The following RNASEH2B variants were observed in gnomAD, a reference collection of about 807,000 sequenced individuals.
RNASEH2B encodes ribonuclease H2 subunit B, also known as Aicardi-Goutieres syndrome 2 protein.
Under a neutral mutation model 45.0 loss-of-function variants are expected in RNASEH2B, and 36 were observed. That is an observed-to-expected ratio of 0.80 (90% CI 0.61 to 1.06). The LOEUF (loss-of-function observed/expected upper bound fraction) is 1.06, where lower values mean the gene tolerates loss of function less well. Ranked by LOEUF, RNASEH2B falls within the 50% of genes least tolerant of loss-of-function variation. The pLI is 0.00. For synonymous variants in RNASEH2B, 119 were observed against 125.7 expected (o/e 0.95, Z 0.35); for missense variants, 361 against 360.3 (o/e 1.00, Z -0.02).
chr13:50,967,787 T>C (rs1014077005), intron 9 of RNASEH2B, among the ~76,000 whole-genome samples: 1 of 152,222 alleles, frequency 6.6e-6, no homozygotes, highest in Non-Finnish European at 1.5e-5. Context: ...TTACATATTT[T>C]CTCCCAAACA....
At chr13:50,930,826 T>C (rs1384195614) in intron 4 of RNASEH2B, 67 bp downstream of exon 4, 23 of 1,143,380 alleles carry the variant, frequency 2.0e-5, no homozygotes, top group Non-Finnish European at 2.9e-5. Flanking sequence ...TGATCTCCTC[T>C]CTCTCCTTTT....
intron 1 of RNASEH2B, chr13:50,915,476 G>A (rs536146675): frequency 5.5e-4 from 221 of 398,572 alleles, no homozygotes; most frequent in Non-Finnish European, 8.5e-4. Context: ...TACTGCCCAG[G>A]TTCGTGGTAC....
At chr13:50,921,420 A>C (rs1400354825) in intron 1 of RNASEH2B, 1 of 152,130 alleles carries the variant, frequency 6.6e-6, no homozygotes, top group Non-Finnish European at 1.5e-5. Context: ...TTTCTTCTCT[A>C]ATTAATTTAG....
intron 2 of RNASEH2B, 45 bp from the exon 3 acceptor site, chr13:50,929,430 G>A: frequency 8.8e-7 from 1 of 1,139,152 alleles, no homozygotes; most frequent in South Asian, 1.2e-5. Context: ...GTGTTTGTGT[G>A]TGTGTGTGAA....
At position 50,943,185 on chromosome 13, in the gene RNASEH2B, C is replaced by A. The variant is rs563712972; in HGVS notation, c.437-136C>A. On this transcript the variant is annotated intron_variant, in intron 5 of 10. Transcript: ENST00000336617. Reference sequence around the variant, plus strand: ...TTTAAAAAAACATTTCAAGTATGTTCTCAGGTTTGTAAATTAAGCTTTTCA... The same window carrying A: ...TTTAAAAAAACATTTCAAGTATGTTATCAGGTTTGTAAATTAAGCTTTTCA... 35 of 641,928 alleles carry A rather than the reference C, an allele frequency of 5.5e-5. 1 individual carries two copies. In the Admixed American group the frequency reaches 9.3e-4, roughly 17 times the overall value. 39.8% of individuals were successfully genotyped at this position (641,928 alleles called of 1,614,324 possible).
intron 9 of RNASEH2B, among the ~76,000 whole-genome samples, chr13:50,966,765 T>A (rs1593487852): frequency 6.6e-6 from 1 of 152,198 alleles, no homozygotes; most frequent in African/African-American, 2.4e-5. Flanking sequence ...TTCTCTTATT[T>A]GGGGCCTTAG....
rs140076332 is a variant in RNASEH2B at position 50,934,810 on chromosome 13, A to G, written c.322-75A>G. 4 of 995,840 alleles carry G rather than the reference A, an allele frequency of 4.0e-6. No homozygotes were observed. In the East Asian group the frequency reaches 7.8e-5, roughly 19 times the overall value. The allele number at this position is 995,840 out of a possible 1,614,324, so 61.7% of individuals were successfully genotyped here. On this transcript the variant is annotated intron_variant, in intron 4 of 10. Transcript: ENST00000336617. ...AGTTTAAAGGCCCAGCCATGAGTTAATGTGTCTTTTTCTCTTTTTTTCTGA... is the reference window on the plus strand; with the variant it reads ...AGTTTAAAGGCCCAGCCATGAGTTAGTGTGTCTTTTTCTCTTTTTTTCTGA...
At position 50,956,434 on chromosome 13, in the gene RNASEH2B, T is replaced by A. The variant is rs770055331; in HGVS notation, c.899T>A (p.Phe300Tyr). Residue 300 changes from phenylalanine (F) to tyrosine (Y), a missense_variant, in exon 11 of 11, where the codon TTT becomes TAT. Phe to Tyr is a conservative substitution (Grantham distance 22). Coordinates refer to ENST00000336617, the MANE Select transcript of RNASEH2B (RefSeq NM_024570.4). ...DKSGMKSIDT[F>Y]FGVKNKKKIG... ...AGTGGAATGAAAAGTATTGATACCT[T>A]TTTTGGGGTAAAAAATAAAAAAAAA... 6.2e-7 allele frequency: 1 copy of A among 1,601,054 alleles called. No homozygotes were observed. Among genetic ancestry groups the A allele is most frequent in the Non-Finnish European group, 8.5e-7 (1 of 1,171,596 alleles).
At chr13:50,968,240 A>T (rs1046396139) in intron 9 of RNASEH2B, among the ~76,000 whole-genome samples, 5 of 151,644 alleles carry the variant, frequency 3.3e-5, no homozygotes, top group East Asian at 1.9e-4. Flanking sequence ...TACAAAAAAA[A>T]AAATAAAAAA....
chr13:50,939,047 GA>G (rs1361019805), intron 5 of RNASEH2B: 1 of 152,190 alleles, frequency 6.6e-6, no homozygotes, highest in South Asian at 2.1e-4. Flanking sequence ...CATTTCTACA[GA>G]AAGTTTAAAA....
chr13:50,934,584 C>G, intron 4 of RNASEH2B: 1 of 405,344 alleles, frequency 2.5e-6, no homozygotes, highest in Non-Finnish European at 4.6e-6. Context: ...TCTCCACCAT[C>G]TTTGCAAGCT....
downstream of RNASEH2B, among the ~76,000 whole-genome samples, chr13:50,961,739 TACACACACATA>T (rs1173297275): frequency 3.3e-5 from 5 of 152,152 alleles, no homozygotes; most frequent in African/African-American, 1.2e-4. Context: ...GTACAACATG[TACACACACATA>T]TATACACTAT....
chr13:50,957,642 G>A (rs371847287), downstream of RNASEH2B, among the ~76,000 whole-genome samples: 6 of 152,224 alleles, frequency 3.9e-5, no homozygotes, highest in South Asian at 8.3e-4. Flanking sequence ...TGGGATTTCT[G>A]GATCGAATGG....
Position 50,935,000 on chromosome 13 carries a change from G to A in RNASEH2B, c.436+1G>A, listed in dbSNP as rs80087649. 2.5e-6 allele frequency: 4 copies of A among 1,597,610 alleles called. No homozygotes were observed. The highest frequency in any genetic ancestry group is 3.4e-6 in the Non-Finnish European group (4 of 1,165,136). ...CTTCATCATGTGACAGAGGAAAAAGGTATGGTATAACTTAAAGGCTTATGG... is the reference window on the plus strand; with the variant it reads ...CTTCATCATGTGACAGAGGAAAAAGATATGGTATAACTTAAAGGCTTATGG... On this transcript the variant is annotated splice_donor_variant, in intron 5 of 10. Transcript: ENST00000336617. LOFTEE classifies it high-confidence loss of function.
At chr13:50,921,153 AATT>A (rs1003870409) in intron 1 of RNASEH2B, 67 of 152,302 alleles carry the variant, frequency 4.4e-4, no homozygotes, top group African/African-American at 1.5e-3. Context: ...AAACATGTAA[AATT>A]ATTATTATAC....
intron 1 of RNASEH2B, among the ~76,000 whole-genome samples, chr13:50,925,101 G>A (rs912880844): frequency 1.3e-5 from 2 of 150,464 alleles, no homozygotes; most frequent in Admixed American, 6.6e-5. Flanking sequence ...TTTTTTCTCT[G>A]TGTTCCCATT....
Position 50,910,066 on chromosome 13 carries a change from A to C in RNASEH2B, c.-11A>C. 2.1e-6 allele frequency: 3 copies of C among 1,461,174 alleles called. No homozygotes were observed. The highest frequency in any genetic ancestry group is 2.7e-6 in the Non-Finnish European group (3 of 1,111,424). The allele number at this position is 1,461,174 out of a possible 1,614,324, so 90.5% of individuals were successfully genotyped here. ...CGCTGAGCCTGCGGCGCCCCGGAAG[A>C]GGCGGGCGGCATGGCCGCTGGCGTG... On this transcript the variant is annotated 5_prime_UTR_variant, in exon 1 of 11. Coordinates refer to ENST00000336617, the MANE Select transcript of RNASEH2B (RefSeq NM_024570.4).
intron 1 of RNASEH2B, among the ~76,000 whole-genome samples, chr13:50,914,981 AT>A (rs1212824968): frequency 1.3e-5 from 2 of 152,188 alleles, no homozygotes; most frequent in Non-Finnish European, 2.9e-5. Flanking sequence ...TATGCTATTT[AT>A]TAGCTCTGTG....
intron 9 of RNASEH2B, chr13:50,952,960 A>C (rs1951996129): frequency 6.6e-6 from 1 of 151,948 alleles, no homozygotes; most frequent in African/African-American, 2.4e-5. Flanking sequence ...TTTAGCACCA[A>C]CTCTACCCGT....
Sources: gnomAD v4.1 joint callset for allele counts (sites outside exome capture counted in the v4.1 genomes callset) on GRCh38, gnomAD v4.1.1 for gene constraint, MANE v1.5 for transcripts, NCBI Gene and HGNC (gene_info 2026-07-23, HGNC 2026-07-21) for gene names.